The following MGST2 variants were observed in gnomAD, a reference collection of about 807,000 sequenced individuals.
MGST2 encodes glutathione peroxidase MGST2.
A neutral mutation model predicts 16.6 loss-of-function variants in MGST2; 9 were observed. That is an observed-to-expected ratio of 0.54 (90% CI 0.33 to 0.95). The LOEUF (loss-of-function observed/expected upper bound fraction) is 0.95, where lower values mean the gene tolerates loss of function less well. Among genes scored for constraint, MGST2 ranks in the 40% least tolerant of loss-of-function variants. MGST2 has a pLI of 0.03. For missense variants in MGST2, 159 were observed against 175.1 expected (o/e 0.91, Z 0.52); for synonymous variants, 79 against 68.0 (o/e 1.16, Z -0.79).
rs186748056 is a variant in MGST2 at position 139,731,384 on chromosome 4, C to T, written c.*49-8828C>T. ...GAGGCCCAGTACTTTGGGTGGATCA[C>T]GAGGTCAGTTCGAGACCAGCTTGGC... On this transcript the variant is annotated intron_variant, in intron 5 of 5. Coordinates refer to the MGST2 transcript ENST00000616265. The T allele has an allele frequency of 9.2e-3, 1,233 of 133,902 alleles. 7 individuals are homozygous for T. The highest frequency in any genetic ancestry group is 0.014 in the Non-Finnish European group (913 of 66,312). 8.3% of individuals were successfully genotyped at this position (133,902 alleles called of 1,614,324 possible).
intron 2 of MGST2, among the ~76,000 whole-genome samples, chr4:139,688,467 G>A (rs1406537718): frequency 2.0e-5 from 3 of 151,110 alleles, no homozygotes; most frequent in East Asian, 1.9e-4. Context: ...CGTGAATCTC[G>A]GTACCCTTTA....
downstream of MGST2, among the ~76,000 whole-genome samples, chr4:139,704,528 G>A (rs1267110293): frequency 6.6e-6 from 1 of 152,148 alleles, no homozygotes; most frequent in Non-Finnish European, 1.5e-5. Context: ...CCCTTTCATT[G>A]GTTATAGGAA....
intron 1 of MGST2, among the ~76,000 whole-genome samples, chr4:139,667,673 C>T (rs1011015124): frequency 6.6e-6 from 1 of 152,072 alleles, no homozygotes; most frequent in Non-Finnish European, 1.5e-5. Context: ...TCCTGGCCAA[C>T]ATGGTGAAAC....
At chr4:139,686,514 G>A (rs914844000) in intron 2 of MGST2, among the ~76,000 whole-genome samples, 2 of 152,092 alleles carry the variant, frequency 1.3e-5, no homozygotes, top group African/African-American at 4.8e-5. Flanking sequence ...CAGATGGTTG[G>A]GGGGCCTTAG....
chr4:139,704,211 T>C lies in MGST2; in HGVS notation c.*63T>C, dbSNP rs1419250411. The C allele has an allele frequency of 1.9e-6, 3 of 1,575,844 alleles. No homozygotes were observed. The highest frequency in any genetic ancestry group is 2.6e-6 in the Non-Finnish European group (3 of 1,145,882). ...CCACCATGAAGGTAATATGGTATCA[T>C]TTGTTAAATAAAAATAAAGTCTTTA... On this transcript the variant is annotated 3_prime_UTR_variant, in exon 5 of 5. Transcript: ENST00000265498.
intron 5 of MGST2, among the ~76,000 whole-genome samples, chr4:139,723,080 T>C (rs1461829833): frequency 6.6e-6 from 1 of 152,234 alleles, no homozygotes; most frequent in Non-Finnish European, 1.5e-5. Flanking sequence ...GAAAATAGTA[T>C]CTTATTGGTT....
At chr4:139,731,550 G>GA (rs373956747) in intron 5 of MGST2, 4 of 153,184 alleles carry the variant, frequency 2.6e-5, no homozygotes, top group African/African-American at 9.6e-5. Flanking sequence ...CCGGGAGGCG[G>GA]AGGTTGCAGT....
At chr4:139,678,784 C>T (rs975056732) in intron 2 of MGST2, 142 bp downstream of exon 2, 30 of 728,430 alleles carry the variant, frequency 4.1e-5, no homozygotes, top group Admixed American at 2.1e-4. Flanking sequence ...CAGCCAAGAC[C>T]GTTCTCAGAA....
chr4:139,749,564 G>A, the MGST2 span, among the ~76,000 whole-genome samples: 5 of 152,192 alleles, frequency 3.3e-5, no homozygotes, highest in Admixed American at 6.5e-5. Context: ...GGTGGGGGGC[G>A]CCGATCAGAG....
At chr4:139,708,946 C>T (rs79341154), downstream of MGST2, among the ~76,000 whole-genome samples, 49,715 of 137,998 alleles carry the variant, frequency 0.36, 9,062 homozygotes, top group Admixed American at 0.47. Flanking sequence ...TTGTGGTGAG[C>T]GGAGATGGCA....
intron 5 of MGST2, chr4:139,719,608 C>T: frequency 6.2e-7 from 1 of 1,612,760 alleles, no homozygotes; most frequent in Non-Finnish European, 8.5e-7. Flanking sequence ...TGACCATTGG[C>T]CTCGCCTGGC....
At chr4:139,711,733 C>A (rs1481260684) in intron 5 of MGST2, among the ~76,000 whole-genome samples, 1 of 152,186 alleles carries the variant, frequency 6.6e-6, no homozygotes, top group East Asian at 1.9e-4. Flanking sequence ...GGGAATGTAG[C>A]CCAGTAGGTT....
At chr4:139,705,254 G>T (rs1727475421), downstream of MGST2, among the ~76,000 whole-genome samples, 1 of 152,158 alleles carries the variant, frequency 6.6e-6, no homozygotes, top group African/African-American at 2.4e-5. Context: ...CCCTCTGCTG[G>T]CTTCCAAGCA....
intron 5 of MGST2, chr4:139,730,270 T>C: frequency 1.4e-6 from 1 of 723,088 alleles, no homozygotes; most frequent in East Asian, 2.7e-5. Flanking sequence ...GTCTAAATTC[T>C]TCAGGTTCTC....
chr4:139,718,164 A>T (rs1204989041), intron 5 of MGST2: 2 of 152,188 alleles, frequency 1.3e-5, no homozygotes, highest in African/African-American at 4.8e-5. Flanking sequence ...GGGATATCAG[A>T]AATATCAGAT....
downstream of MGST2, among the ~76,000 whole-genome samples, chr4:139,704,711 A>G (rs1360428163): frequency 6.6e-6 from 1 of 152,200 alleles, no homozygotes; most frequent in Admixed American, 6.5e-5. Context: ...TCACAAGGTC[A>G]GGAGATCGAG....
At position 139,735,523 on chromosome 4, in the gene MGST2, C is replaced by T. The variant is rs1050368658; in HGVS notation, c.*49-4689C>T. 6.6e-6 allele frequency among the ~76,000 whole-genome samples: 1 copy of T among 151,948 alleles called. No individual in the cohort carries two copies. The highest frequency in any genetic ancestry group is 1.5e-5 in the Non-Finnish European group (1 of 67,982). Reference sequence around the variant, plus strand: ...CCAGGGCCGACAGCCCGGGAGGGACCGGGTTCCAGGACCCCAGCTGCACAA... The same window carrying T: ...CCAGGGCCGACAGCCCGGGAGGGACTGGGTTCCAGGACCCCAGCTGCACAA... On this transcript the variant is annotated intron_variant, in intron 5 of 5. Transcript: ENST00000616265. This position sits in a 1 kb window ranked among gnomAD's most constrained non-coding sequence, Gnocchi z 5.8.
At chr4:139,724,206 G>C (rs1406778486) in intron 5 of MGST2, among the ~76,000 whole-genome samples, 1 of 152,214 alleles carries the variant, frequency 6.6e-6, no homozygotes, top group African/African-American at 2.4e-5. Flanking sequence ...GGGAGTGGTA[G>C]CTACTCAAGA....
chr4:139,707,480 T>C (rs1727565553), downstream of MGST2, among the ~76,000 whole-genome samples: 1 of 152,212 alleles, frequency 6.6e-6, no homozygotes, highest in Admixed American at 6.5e-5. Context: ...GTTCCAAGTC[T>C]TTGCTATTGT....
Sources: allele counts gnomAD v4.1 joint callset (sites outside exome capture counted in the v4.1 genomes callset), GRCh38; gene constraint gnomAD v4.1.1; non-coding constraint Gnocchi (gnomAD v3.1); transcripts MANE v1.5; gene names NCBI Gene and HGNC (gene_info 2026-07-23, HGNC 2026-07-21).